The following SDK1 variants were observed in gnomAD, a reference collection of about 807,000 sequenced individuals.
The protein encoded by SDK1 is sidekick cell adhesion molecule 1, also known as protein sidekick-1.
Under a neutral mutation model 245.5 loss-of-function variants are expected in SDK1, and 157 were observed. The observed-to-expected ratio is 0.64, with a 90% CI of 0.56 to 0.73. The LOEUF is 0.73. Among genes scored for constraint, SDK1 ranks in the 30% least tolerant of loss-of-function variants. The pLI, the probability that SDK1 is intolerant of heterozygous loss-of-function variation, is 0.00. For synonymous variants in SDK1, 1,647 were observed against 1,278.5 expected, an observed-to-expected ratio of 1.29 and a Z score of -6.15; for missense variants, 3,583 against 3,002.3, an observed-to-expected ratio of 1.19 and a Z score of -4.52.
At chr7:3,953,774 G>A (rs975504933) in intron 7 of SDK1, among the ~76,000 whole-genome samples, 1 of 152,094 alleles carries the variant, frequency 6.6e-6, no homozygotes, top group African/African-American at 2.4e-5. Flanking sequence ...GCACCTCTCC[G>A]TGTTCTGACT....
intron 4 of SDK1, among the ~76,000 whole-genome samples, chr7:3,807,776 G>A (rs557180919): frequency 6.6e-6 from 1 of 152,212 alleles, no homozygotes; most frequent in African/African-American, 2.4e-5. Flanking sequence ...GGCTGGGTTA[G>A]AGTCTTGATT....
chr7:3,567,116 G>A (rs1779946034), intron 1 of SDK1, among the ~76,000 whole-genome samples: 1 of 152,284 alleles, frequency 6.6e-6, no homozygotes, highest in African/African-American at 2.4e-5. Flanking sequence ...GCATCATTAA[G>A]GCAAGCTGCC....
intron 1 of SDK1, among the ~76,000 whole-genome samples, chr7:3,583,932 C>G (rs537271529): frequency 2.0e-5 from 3 of 152,094 alleles, no homozygotes; most frequent in Non-Finnish European, 4.4e-5. Flanking sequence ...GTGAAGGTCC[C>G]GTATCAGCAG....
chr7:3,457,758 C>G (rs1780715194), intron 1 of SDK1, among the ~76,000 whole-genome samples: 1 of 152,180 alleles, frequency 6.6e-6, no homozygotes, highest in Admixed American at 6.5e-5. Context: ...CAGCTCTCAT[C>G]TTGGCACCTC....
At chr7:3,332,953 G>A (rs982517763) in intron 1 of SDK1, among the ~76,000 whole-genome samples, 1 of 152,194 alleles carries the variant, frequency 6.6e-6, no homozygotes, top group Non-Finnish European at 1.5e-5. Context: ...GCTAAGTTGA[G>A]CCTGGGGAAC....
intron 5 of SDK1, among the ~76,000 whole-genome samples, chr7:3,859,157 C>G (rs553998828): frequency 1.3e-5 from 2 of 152,116 alleles, no homozygotes; most frequent in Non-Finnish European, 2.9e-5. Flanking sequence ...CCACCAAGCC[C>G]GGCCCATATT....
chr7:4,054,572 C>T (rs1044808774), intron 19 of SDK1, among the ~76,000 whole-genome samples: 11 of 152,124 alleles, frequency 7.2e-5, no homozygotes, highest in African/African-American at 2.7e-4. Flanking sequence ...ATAGCCACAC[C>T]CACCTTCCTC....
At chr7:3,525,577 G>A (rs903537982) in intron 1 of SDK1, among the ~76,000 whole-genome samples, 1 of 152,086 alleles carries the variant, frequency 6.6e-6, no homozygotes, top group Non-Finnish European at 1.5e-5. Context: ...CCTTCTGATT[G>A]CAAAGGCCTG....
chr7:3,371,713 C>T (rs1302847333), intron 1 of SDK1, among the ~76,000 whole-genome samples: 2 of 152,028 alleles, frequency 1.3e-5, no homozygotes, highest in Admixed American at 6.5e-5. Flanking sequence ...TGGGTAAATA[C>T]GAAAGGTAGA....
intron 1 of SDK1, among the ~76,000 whole-genome samples, chr7:3,502,163 GCTT>G (rs1195916383): frequency 1.3e-5 from 2 of 151,690 alleles, no homozygotes; most frequent in African/African-American, 2.4e-5. Context: ...ATTAATTGGG[GCTT>G]CTTCAAAGAA....
At chr7:3,620,671 C>A (rs912708943) in intron 2 of SDK1, among the ~76,000 whole-genome samples, 1 of 152,102 alleles carries the variant, frequency 6.6e-6, no homozygotes, top group Non-Finnish European at 1.5e-5. Flanking sequence ...CCTCTGCAGA[C>A]CAGTCAGAAG....
intron 19 of SDK1, among the ~76,000 whole-genome samples, chr7:4,065,728 T>TTTTTTTC (rs1779854771): frequency 7.3e-6 from 1 of 136,912 alleles, no homozygotes; most frequent in Non-Finnish European, 1.6e-5. Flanking sequence ...TTTTTTTTTT[T>TTTTTTTC]TGAGGCTGTT....
intron 2 of SDK1, among the ~76,000 whole-genome samples, chr7:3,629,073 A>C (rs1018088926): frequency 1.3e-5 from 2 of 151,920 alleles, no homozygotes; most frequent in African/African-American, 4.8e-5. Context: ...CGGGCAGATC[A>C]CGAGGTCAGG....
At chr7:3,778,835 A>T (rs1037337766) in intron 4 of SDK1, among the ~76,000 whole-genome samples, 2 of 152,222 alleles carry the variant, frequency 1.3e-5, no homozygotes, top group African/African-American at 4.8e-5. Flanking sequence ...TTCAATGATT[A>T]CAAATTATAG....
chr7:3,388,570 AAT>A (rs1159293890), intron 1 of SDK1, among the ~76,000 whole-genome samples: 1 of 151,832 alleles, frequency 6.6e-6, no homozygotes, highest in Non-Finnish European at 1.5e-5. Context: ...GAATTTCTCA[AAT>A]ATTAACTTTG....
At chr7:4,010,424 A>G (rs1265846397) in intron 14 of SDK1, among the ~76,000 whole-genome samples, 1 of 152,186 alleles carries the variant, frequency 6.6e-6, no homozygotes, top group African/African-American at 2.4e-5. Context: ...TGTGAATTTC[A>G]TTACGCCTCT....
intron 1 of SDK1, among the ~76,000 whole-genome samples, chr7:3,380,569 G>C (rs1781461071): frequency 6.6e-6 from 1 of 152,228 alleles, no homozygotes; most frequent in South Asian, 2.1e-4. Context: ...TAAGCTGCAA[G>C]TAACAAATTC....
intron 23 of SDK1, among the ~76,000 whole-genome samples, chr7:4,111,575 A>G (rs1783352907): frequency 6.6e-6 from 1 of 152,238 alleles, no homozygotes; most frequent in Admixed American, 6.5e-5. Flanking sequence ...ATTCATTTTA[A>G]CATCCTTCAG....
At chr7:3,484,517 C>G (rs568909727) in intron 1 of SDK1, among the ~76,000 whole-genome samples, 1 of 152,274 alleles carries the variant, frequency 6.6e-6, no homozygotes, top group South Asian at 2.1e-4. Flanking sequence ...TAAGTGGATC[C>G]TGGCAGTTCA....
Sources: allele counts gnomAD v4.1 joint callset (sites outside exome capture counted in the v4.1 genomes callset), GRCh38; gene constraint gnomAD v4.1.1; transcripts MANE v1.5; gene names NCBI Gene and HGNC (gene_info 2026-07-23, HGNC 2026-07-21).